CAMK2D: variants seen among roughly 807,000 people sequenced by gnomAD.
CAMK2D encodes calcium/calmodulin dependent protein kinase II delta, also known as calcium/calmodulin-dependent protein kinase type II subunit delta.
CAMK2D carries 37 observed loss-of-function variants against 84.0 expected under a neutral mutation model. That is an observed-to-expected ratio of 0.44 (90% CI 0.34 to 0.58). The LOEUF (loss-of-function observed/expected upper bound fraction) is 0.58. Ranked by LOEUF, CAMK2D falls within the 20% of genes least tolerant of loss-of-function variation. The pLI is 0.02. For synonymous variants in CAMK2D, 202 were observed against 212.5 expected (o/e 0.95, Z 0.43); for missense variants, 448 against 652.5 (o/e 0.69, Z 3.41).
chr4:113,524,048 T>A (rs2098397006), intron 8 of CAMK2D, among the ~76,000 whole-genome samples: 1 of 152,060 alleles, frequency 6.6e-6, no homozygotes, highest in Admixed American at 6.6e-5. Flanking sequence ...TTTTTCTGTT[T>A]TTGTAGAGGT....
chr4:113,492,076 T>C (rs1184029551), intron 16 of CAMK2D, among the ~76,000 whole-genome samples: 1 of 152,166 alleles, frequency 6.6e-6, no homozygotes, highest in Non-Finnish European at 1.5e-5. Flanking sequence ...ATTTTGTTGA[T>C]CCTTTCAAAA....
At chr4:113,497,622 T>C (rs2097956638) in intron 16 of CAMK2D, among the ~76,000 whole-genome samples, 1 of 152,208 alleles carries the variant, frequency 6.6e-6, no homozygotes, top group Admixed American at 6.5e-5. Context: ...TTTGACCGGG[T>C]TACCACAGTG....
At chr4:113,694,394 A>C (rs2099396840) in intron 2 of CAMK2D, among the ~76,000 whole-genome samples, 1 of 152,200 alleles carries the variant, frequency 6.6e-6, no homozygotes, top group Non-Finnish European at 1.5e-5. Flanking sequence ...GAAGTTAATA[A>C]TTAAGAAAAA....
chr4:113,628,238 T>G (rs573297918), intron 3 of CAMK2D, among the ~76,000 whole-genome samples: 1 of 152,168 alleles, frequency 6.6e-6, no homozygotes, highest in Non-Finnish European at 1.5e-5. Context: ...TAAAAGAGTA[T>G]CTACAAATTA....
intron 6 of CAMK2D, among the ~76,000 whole-genome samples, chr4:113,544,069 G>T (rs2098550823): frequency 6.6e-6 from 1 of 152,152 alleles, no homozygotes; most frequent in Admixed American, 6.5e-5. Flanking sequence ...TTGTCTTCAT[G>T]TGGCAATTAC....
intron 2 of CAMK2D, among the ~76,000 whole-genome samples, chr4:113,750,150 T>C (rs2099613911): frequency 6.6e-6 from 1 of 152,146 alleles, no homozygotes; most frequent in Admixed American, 6.5e-5. Context: ...CTCCATAAGA[T>C]ATGAAATATC....
intron 2 of CAMK2D, among the ~76,000 whole-genome samples, chr4:113,728,158 A>C (rs2099551808): frequency 6.6e-6 from 1 of 152,142 alleles, no homozygotes; most frequent in Non-Finnish European, 1.5e-5. Flanking sequence ...TTCTACTCCT[A>C]AGTATTTACC....
At chr4:113,635,138 C>T (rs1022540310) in intron 3 of CAMK2D, among the ~76,000 whole-genome samples, 2 of 152,172 alleles carry the variant, frequency 1.3e-5, no homozygotes, top group African/African-American at 2.4e-5. Context: ...TGGGTTTTTA[C>T]AATCTGACCT....
chr4:113,470,604 C>T lies in CAMK2D; in HGVS notation c.1136-5000G>A, dbSNP rs547682654. On this transcript the variant is annotated intron_variant, in intron 16 of 20. Coordinates refer to ENST00000511664, the MANE Select transcript of CAMK2D (RefSeq NM_001321571.2). ...AGTGAGCTGAGATTGCACCATTGCA[C>T]TCCAGCCTGGTGACAGAGCGAGACT... is the stretch of plus-strand genomic sequence containing the variant. 3.3e-5 allele frequency among the ~76,000 whole-genome samples: 5 copies of T among 151,130 alleles called. No individual in the cohort carries two copies. In the East Asian group the frequency reaches 5.8e-4, roughly 18 times the overall value.
chr4:113,625,694 A>G (rs1162572915), intron 3 of CAMK2D, among the ~76,000 whole-genome samples: 1 of 152,138 alleles, frequency 6.6e-6, no homozygotes, highest in African/African-American at 2.4e-5. Flanking sequence ...GAGGGGTTAT[A>G]CAGAGCCTTG....
chr4:113,538,322 A>G (rs1176193305), intron 6 of CAMK2D, among the ~76,000 whole-genome samples: 1 of 152,188 alleles, frequency 6.6e-6, no homozygotes, highest in East Asian at 1.9e-4. Flanking sequence ...AATAAGCACC[A>G]GGGAACAGTC....
chr4:113,598,874 G>C (rs1440533844), intron 4 of CAMK2D, among the ~76,000 whole-genome samples: 1 of 152,030 alleles, frequency 6.6e-6, no homozygotes, highest in Admixed American at 6.6e-5. Flanking sequence ...CATCATGTTG[G>C]CCAGGCTGGT....
chr4:113,626,723 G>T (rs989977373), intron 3 of CAMK2D, among the ~76,000 whole-genome samples: 1 of 152,124 alleles, frequency 6.6e-6, no homozygotes, highest in African/African-American at 2.4e-5. Context: ...GCAAATAGAA[G>T]GGTTCAGTTA....
At chr4:113,610,877 T>C (rs2154267869) in intron 3 of CAMK2D, among the ~76,000 whole-genome samples, 1 of 152,266 alleles carries the variant, frequency 6.6e-6, no homozygotes, top group East Asian at 1.9e-4. Context: ...TATAGTCTCG[T>C]CACCAATACT....
intron 3 of CAMK2D, among the ~76,000 whole-genome samples, chr4:113,659,567 T>C (rs2099219207): frequency 6.6e-6 from 1 of 152,158 alleles, no homozygotes; most frequent in Non-Finnish European, 1.5e-5. Context: ...GGGAAGACCA[T>C]GTGAAGACAC....
chr4:113,526,923 T>A (rs941678936), intron 8 of CAMK2D, among the ~76,000 whole-genome samples: 32 of 134,052 alleles, frequency 2.4e-4, no homozygotes, highest in African/African-American at 7.6e-4. Context: ...TTTTTTTTTT[T>A]ACTGTACTTT....
intron 2 of CAMK2D, among the ~76,000 whole-genome samples, chr4:113,727,703 A>G (rs971654586): frequency 6.6e-6 from 1 of 152,198 alleles, no homozygotes; most frequent in South Asian, 2.1e-4. Flanking sequence ...TCATCAAAAA[A>G]CACACTACTA....
intron 13 of CAMK2D, among the ~76,000 whole-genome samples, chr4:113,507,021 T>C (rs1204742951): frequency 6.6e-6 from 1 of 152,092 alleles, no homozygotes; most frequent in Non-Finnish European, 1.5e-5. Flanking sequence ...ATGGGAAACA[T>C]GAGTTAAATG....
At chr4:113,666,697 C>T (rs934772058) in intron 2 of CAMK2D, among the ~76,000 whole-genome samples, 11 of 152,106 alleles carry the variant, frequency 7.2e-5, no homozygotes, top group African/African-American at 2.7e-4. Context: ...TCTTCTACTC[C>T]CCTTCCCCAC....
Sources: gnomAD v4.1 joint callset for allele counts (sites outside exome capture counted in the v4.1 genomes callset) on GRCh38, gnomAD v4.1.1 for gene constraint, MANE v1.5 for transcripts, NCBI Gene and HGNC (gene_info 2026-07-23, HGNC 2026-07-21) for gene names.